Variants in TENM3 observed in about 807,000 individuals in gnomAD.
The protein encoded by TENM3 is teneurin-3.
TENM3 carries 63 observed loss-of-function variants against 255.1 expected under a neutral mutation model. That is an observed-to-expected ratio of 0.25 (90% confidence interval 0.20 to 0.30). The LOEUF (loss-of-function observed/expected upper bound fraction) is 0.30. Among genes scored for constraint, TENM3 ranks in the 10% least tolerant of loss-of-function variants. The pLI is 1.00. For synonymous variants in TENM3, 1,306 were observed against 1,322.3 expected (o/e 0.99, Z 0.27); for missense variants, 2,929 against 3,461.1 (o/e 0.85, Z 3.86).
At chr4:182,524,805 C>T (rs910790420) in intron 3 of TENM3, among the ~76,000 whole-genome samples, 1 of 150,006 alleles carries the variant, frequency 6.7e-6, no homozygotes, top group African/African-American at 2.5e-5. Context: ...TCCCTTACCC[C>T]CTGGAGTTTG....
intron 4 of TENM3, among the ~76,000 whole-genome samples, chr4:182,607,551 G>A (rs1327252472): frequency 1.3e-5 from 2 of 152,156 alleles, no homozygotes; most frequent in African/African-American, 2.4e-5. Flanking sequence ...CTTCATAGAT[G>A]CATTGTCTTC....
the TENM3 span, among the ~76,000 whole-genome samples, chr4:181,467,084 CGTGTGTGTGT>C: frequency 2.8e-3 from 163 of 58,804 alleles, no homozygotes; most frequent in Admixed American, 0.014. Flanking sequence ...TGTGTGTGTG[CGTGTGTGTGT>C]GTGTGTGTGT....
At chr4:181,571,521 A>G in the TENM3 span, among the ~76,000 whole-genome samples, 1 of 152,054 alleles carries the variant, frequency 6.6e-6, no homozygotes, top group Non-Finnish European at 1.5e-5. Flanking sequence ...AAAACTTTTT[A>G]GAAACTAGGT....
intron 3 of TENM3, among the ~76,000 whole-genome samples, chr4:182,531,723 G>T (rs112334694): frequency 5.6e-4 from 85 of 152,282 alleles, no homozygotes; most frequent in African/African-American, 1.9e-3. Flanking sequence ...TGTGAAATGT[G>T]TTCTGCCAGG....
the TENM3 span, among the ~76,000 whole-genome samples, chr4:181,636,331 C>T: frequency 6.6e-6 from 1 of 152,180 alleles, no homozygotes; most frequent in African/African-American, 2.4e-5. Context: ...GTGTGAGCCA[C>T]CGCCCATGGC....
chr4:181,997,461 G>T, the TENM3 span, among the ~76,000 whole-genome samples: 2 of 152,156 alleles, frequency 1.3e-5, no homozygotes, highest in Non-Finnish European at 2.9e-5. Context: ...GATCATATTG[G>T]CCTCATGTTC....
chr4:182,386,548 G>A (rs1767930882), intron 3 of TENM3, among the ~76,000 whole-genome samples: 1 of 152,220 alleles, frequency 6.6e-6, no homozygotes, highest in Admixed American at 6.5e-5. Flanking sequence ...TCAGCTTGCA[G>A]GGAGGTGTGG....
intron 3 of TENM3, among the ~76,000 whole-genome samples, chr4:182,496,154 G>T (rs1213189575): frequency 1.3e-5 from 2 of 152,176 alleles, no homozygotes; most frequent in Non-Finnish European, 2.9e-5. Flanking sequence ...AAAGGGGCCA[G>T]TCTCACTGTT....
At chr4:181,920,183 G>A in the TENM3 span, among the ~76,000 whole-genome samples, 12 of 152,046 alleles carry the variant, frequency 7.9e-5, no homozygotes, top group Non-Finnish European at 1.2e-4. Context: ...GAATAGTGCC[G>A]CAATAAACAT....
intron 3 of TENM3, among the ~76,000 whole-genome samples, chr4:182,414,751 T>C (rs1431136288): frequency 6.6e-6 from 1 of 152,224 alleles, no homozygotes; most frequent in East Asian, 1.9e-4. Flanking sequence ...TGTGGGACTA[T>C]TTAAAAGCTT....
chr4:181,560,614 C>T, the TENM3 span, among the ~76,000 whole-genome samples: 28 of 152,086 alleles, frequency 1.8e-4, no homozygotes, highest in Non-Finnish European at 3.4e-4. Context: ...ACTCAGGAAA[C>T]GTAATATGAT....
At chr4:182,765,506 G>T (rs766552672) in intron 22 of TENM3, among the ~76,000 whole-genome samples, 14 of 152,028 alleles carry the variant, frequency 9.2e-5, no homozygotes, top group Admixed American at 1.3e-4. Flanking sequence ...CCATTCCTCT[G>T]CCTCCCCTTA....
chr4:181,864,693 T>G, the TENM3 span, among the ~76,000 whole-genome samples: 1 of 152,222 alleles, frequency 6.6e-6, no homozygotes, highest in East Asian at 1.9e-4. Context: ...AACAAGCTGA[T>G]GGGTTAAACC....
chr4:181,661,536 G>A, the TENM3 span, among the ~76,000 whole-genome samples: 40,189 of 152,010 alleles, frequency 0.26, 6,565 homozygotes, highest in Non-Finnish European at 0.36. Context: ...GAGCAAAGCT[G>A]TAATCAAAAA....
intron 3 of TENM3, among the ~76,000 whole-genome samples, chr4:182,535,247 T>G (rs916445440): frequency 1.4e-4 from 21 of 152,232 alleles, no homozygotes; most frequent in Non-Finnish European, 1.5e-5. Flanking sequence ...GTGAGACTGC[T>G]TACTTATTTT....
the TENM3 span, among the ~76,000 whole-genome samples, chr4:181,653,528 G>A: frequency 1.3e-5 from 2 of 152,016 alleles, no homozygotes; most frequent in Non-Finnish European, 2.9e-5. Flanking sequence ...TCCTGCCTCA[G>A]TAGCTGGAAC....
intron 1 of TENM3, among the ~76,000 whole-genome samples, chr4:182,312,595 TTC>T (rs1345940768): frequency 6.6e-6 from 1 of 152,252 alleles, no homozygotes; most frequent in Non-Finnish European, 1.5e-5. Context: ...ATAATTGTGT[TTC>T]TTACTTTTCC....
At chr4:181,583,942 A>G in the TENM3 span, among the ~76,000 whole-genome samples, 1 of 152,184 alleles carries the variant, frequency 6.6e-6, no homozygotes, top group Non-Finnish European at 1.5e-5. Context: ...CTCTTGTTAC[A>G]TACTCTCATA....
chr4:182,299,343 C>T (rs1283958811), intron 1 of TENM3, among the ~76,000 whole-genome samples: 4 of 152,096 alleles, frequency 2.6e-5, no homozygotes, highest in Non-Finnish European at 4.4e-5. Context: ...ACAAACAACT[C>T]TTACAATTTC....
Sources: gnomAD v4.1 joint callset for allele counts (sites outside exome capture counted in the v4.1 genomes callset) on GRCh38, gnomAD v4.1.1 for gene constraint, MANE v1.5 for transcripts, NCBI Gene and HGNC (gene_info 2026-07-23, HGNC 2026-07-21) for gene names.